RAP1GAP2: variants seen among roughly 807,000 people sequenced by gnomAD.
RAP1GAP2 encodes the protein RAP1 GTPase activating protein 2.
In RAP1GAP2, 27 loss-of-function variants were observed where a neutral mutation model predicts 95.0. The observed-to-expected ratio is 0.28, with a 90% CI of 0.21 to 0.39. The LOEUF (loss-of-function observed/expected upper bound fraction) is 0.39. Among genes scored for constraint, RAP1GAP2 ranks in the 10% least tolerant of loss-of-function variants. RAP1GAP2 has a pLI of 1.00. For missense variants in RAP1GAP2, 771 were observed against 970.0 expected (o/e 0.79, Z 2.72); for synonymous variants, 373 against 380.9 (o/e 0.98, Z 0.24).
At chr17:2,772,690 A>G (rs1267613719), upstream of RAP1GAP2, among the ~76,000 whole-genome samples, 2 of 152,044 alleles carry the variant, frequency 1.3e-5, no homozygotes, top group South Asian at 2.1e-4. Flanking sequence ...TCTAGGTACT[A>G]TTGTTGTCCT....
chr17:2,962,480 C>T (rs2044378788), intron 4 of RAP1GAP2, 190 bp from the exon 5 acceptor site: 3 of 575,718 alleles, frequency 5.2e-6, no homozygotes, highest in Non-Finnish European at 6.0e-6. Flanking sequence ...GTTAGCCCAG[C>T]GGCGCTGTTG....
At chr17:2,967,331 A>T (rs2044657939) in intron 8 of RAP1GAP2, among the ~76,000 whole-genome samples, 1 of 152,182 alleles carries the variant, frequency 6.6e-6, no homozygotes, top group Non-Finnish European at 1.5e-5. Flanking sequence ...GGATCGCACC[A>T]CTGCACTCCA....
intron 2 of RAP1GAP2, among the ~76,000 whole-genome samples, chr17:2,893,095 T>G (rs1004605523): frequency 6.6e-6 from 1 of 152,110 alleles, no homozygotes; most frequent in Non-Finnish European, 1.5e-5. Context: ...TAGCGTGATC[T>G]TGGCTCACTG....
At chr17:2,879,700 T>G (rs1259511656) in intron 2 of RAP1GAP2, among the ~76,000 whole-genome samples, 1 of 144,792 alleles carries the variant, frequency 6.9e-6, no homozygotes, top group Non-Finnish European at 1.5e-5. Context: ...CACTCCAGCC[T>G]GGGCGACAGG....
intron 3 of RAP1GAP2, among the ~76,000 whole-genome samples, chr17:2,949,365 A>G (rs1261021078): frequency 6.6e-6 from 1 of 152,226 alleles, no homozygotes; most frequent in Non-Finnish European, 1.5e-5. Flanking sequence ...CCCGGGCAGG[A>G]CGTTAGTCTC....
chr17:2,878,094 G>C (rs2073156800), intron 2 of RAP1GAP2, among the ~76,000 whole-genome samples: 1 of 152,162 alleles, frequency 6.6e-6, no homozygotes, highest in African/African-American at 2.4e-5. Flanking sequence ...TGGAAATGCA[G>C]ATGCGTAAAG....
intron 2 of RAP1GAP2, among the ~76,000 whole-genome samples, chr17:2,872,562 C>G (rs1254408240): frequency 6.6e-6 from 1 of 152,092 alleles, no homozygotes; most frequent in African/African-American, 2.4e-5. Flanking sequence ...GACAGCCCTT[C>G]CCGGCAGTTT....
At chr17:2,808,982 C>T (rs2069640557) in intron 2 of RAP1GAP2, among the ~76,000 whole-genome samples, 1 of 152,134 alleles carries the variant, frequency 6.6e-6, no homozygotes, top group Admixed American at 6.5e-5. Flanking sequence ...TGCGTGGCTG[C>T]AGGGAGAAGC....
intron 2 of RAP1GAP2, among the ~76,000 whole-genome samples, chr17:2,874,118 C>A (rs1257998811): frequency 6.6e-6 from 1 of 152,168 alleles, no homozygotes; most frequent in African/African-American, 2.4e-5. Flanking sequence ...GACAAGTTAC[C>A]TGATTTCTCA....
intron 3 of RAP1GAP2, among the ~76,000 whole-genome samples, chr17:2,916,021 C>G (rs906550720): frequency 6.6e-6 from 1 of 152,098 alleles, no homozygotes; most frequent in Non-Finnish European, 1.5e-5. Context: ...TGTTTTAGCT[C>G]TAGGTCTAGG....
At chr17:2,859,479 A>G (rs2072283862) in intron 2 of RAP1GAP2, among the ~76,000 whole-genome samples, 1 of 152,112 alleles carries the variant, frequency 6.6e-6, no homozygotes, top group African/African-American at 2.4e-5. Flanking sequence ...TCTGCCACCC[A>G]GGGTGGAGTG....
Position 2,906,560 on chromosome 17 carries a change from C to G in RAP1GAP2, c.165+1192C>G, listed in dbSNP as rs2042205101. On this transcript the variant is annotated intron_variant, in intron 3 of 24. Coordinates refer to ENST00000254695, the MANE Select transcript of RAP1GAP2 (RefSeq NM_015085.5). The surrounding 1 kb of genome is among the most constrained non-coding windows in gnomAD (Gnocchi z 4.3). ...CAGAGGGCAGTGGAAGCCAGACCAC[C>G]TTCACTAGCCTAGTGCCTGCCCCAG... Among the ~76,000 whole-genome samples, 1 of 152,034 alleles carries G rather than the reference C, an allele frequency of 6.6e-6. No individual in the cohort carries two copies. The highest frequency in any genetic ancestry group is 1.5e-5 in the Non-Finnish European group (1 of 68,008).
rs982274690 is a variant in RAP1GAP2 at position 2,980,454 on chromosome 17, G to T, written c.675+89G>T. The T allele has an allele frequency of 1.3e-5, 17 of 1,351,280 alleles. 1 individual carries two copies. In the Admixed American group the frequency reaches 2.3e-4, roughly 18 times the overall value. 83.7% of individuals were successfully genotyped at this position (1,351,280 alleles called of 1,614,324 possible). ...GGGGGTGCAGGTATATCCTGGGTAG[G>T]CTCAGCCCTTAGAGAAGGGGAGGCC... On this transcript the variant is annotated intron_variant, in intron 9 of 24. Transcript: ENST00000254695.
chr17:2,790,688 C>T (rs755366732), intron 1 of RAP1GAP2, among the ~76,000 whole-genome samples: 1 of 152,230 alleles, frequency 6.6e-6, no homozygotes, highest in Non-Finnish European at 1.5e-5. Flanking sequence ...CTGTAACTGC[C>T]TCATCCCCAT....
chr17:2,838,458 C>T (rs922809256), intron 2 of RAP1GAP2, among the ~76,000 whole-genome samples: 6 of 152,144 alleles, frequency 3.9e-5, no homozygotes, highest in Non-Finnish European at 7.3e-5. Flanking sequence ...TGAGCAGGGC[C>T]TGTCCTTGGA....
chr17:2,930,146 A>G (rs2043094966), intron 3 of RAP1GAP2, among the ~76,000 whole-genome samples: 1 of 152,250 alleles, frequency 6.6e-6, no homozygotes, highest in Non-Finnish European at 1.5e-5. Context: ...CTTGCAGTCA[A>G]CTGCCTCAGC....
rs192892844 is a variant in RAP1GAP2, at chr17:2,815,777, C to T, written c.80+15227C>T. On this transcript the variant is annotated intron_variant, in intron 2 of 24. Transcript: ENST00000254695. ...GATTACAGGCGCGAGCCACCGCACC[C>T]GGCCCCATTTCCGATATTAACAACA... 3.3e-4 allele frequency among the ~76,000 whole-genome samples: 50 copies of T among 152,284 alleles called. 1 individual carries two copies. The South Asian group carries it at 4.8e-3, about 14-fold the overall frequency.
chr17:2,921,794 AG>A (rs1318082524), intron 3 of RAP1GAP2, among the ~76,000 whole-genome samples: 1 of 152,066 alleles, frequency 6.6e-6, no homozygotes, highest in Admixed American at 6.5e-5. Flanking sequence ...CAGAGGCTCG[AG>A]GGGAAGCTCC....
chr17:2,837,512 GCTC>G (rs1370623311), intron 2 of RAP1GAP2, among the ~76,000 whole-genome samples: 3 of 151,952 alleles, frequency 2.0e-5, no homozygotes, highest in Admixed American at 2.0e-4. Context: ...GGCCGAGTCA[GCTC>G]CTCGTTTCCT....
Sources: allele counts gnomAD v4.1 joint callset (sites outside exome capture counted in the v4.1 genomes callset), GRCh38; gene constraint gnomAD v4.1.1; non-coding constraint Gnocchi (gnomAD v3.1); transcripts MANE v1.5; gene names NCBI Gene and HGNC (gene_info 2026-07-23, HGNC 2026-07-21).